ADGRL1: variants seen among roughly 807,000 people sequenced by gnomAD.
ADGRL1 encodes adhesion G protein-coupled receptor L1.
ADGRL1 carries 31 observed loss-of-function variants against 148.9 expected under a neutral mutation model. The observed-to-expected ratio is 0.21, with a 90% CI of 0.16 to 0.28. The LOEUF (loss-of-function observed/expected upper bound fraction) is 0.28. Among genes scored for constraint, ADGRL1 ranks in the 10% least tolerant of loss-of-function variants. The pLI is 1.00. For synonymous variants in ADGRL1, 937 were observed against 900.3 expected (o/e 1.04, Z -0.73); for missense variants, 1,521 against 2,058.8 (o/e 0.74, Z 5.05).
chr19:14,163,460 AGGGAG>A, intron 4 of ADGRL1, 54 bp from the exon 5 acceptor site: 5 of 1,049,002 alleles, frequency 4.8e-6, no homozygotes, highest in Non-Finnish European at 6.7e-6. Context: ...CAGAGGCGAG[AGGGAG>A]GAGAGAGAGA....
At chr19:14,156,458 C>G (rs1458227709) in intron 16 of ADGRL1, among the ~76,000 whole-genome samples, 200 bp downstream of exon 16, 2 of 151,920 alleles carry the variant, frequency 1.3e-5, no homozygotes, top group East Asian at 1.9e-4. Context: ...CACAGCCCCC[C>G]AGGCGAGCAG....
At position 14,155,503 on chromosome 19, in the gene ADGRL1, C is replaced by T. The variant is rs760966469; in HGVS notation, c.3150G>A (p.Ala1050=). ...NIKSWALGAI[A]LLFLLGLTWA... ...AGGTGAGGCCCAGCAGGAACAGCAG[C>T]GCGATGGCCCCCAGCGCCCAGGATC... is the stretch of plus-strand genomic sequence containing the variant. Residue 1050 remains alanine, a synonymous_variant, in exon 18 of 23, where the codon GCG becomes GCA. Coordinates refer to ENST00000361434, the MANE Select transcript of ADGRL1 (RefSeq NM_014921.5). The surrounding 1 kb of genome is among the most constrained non-coding windows in gnomAD (Gnocchi z 5.0). 6.8e-6 allele frequency: 11 copies of T among 1,613,754 alleles called. No homozygotes were observed. The highest frequency in any genetic ancestry group is 4.4e-5 in the South Asian group (4 of 91,082).
chr19:14,159,093 T>C lies in ADGRL1; in HGVS notation c.2146A>G (p.Asn716Asp). 6.2e-7 allele frequency: 1 copy of C among 1,613,804 alleles called. No homozygotes were observed. Among genetic ancestry groups the C allele is most frequent in the Non-Finnish European group, 8.5e-7 (1 of 1,180,002 alleles). The change falls in exon 11 of 23, where the codon AAT becomes GAT. Residue 716 changes from asparagine (N) to aspartate (D), a missense_variant. Coordinates refer to ENST00000361434, the MANE Select transcript of ADGRL1 (RefSeq NM_014921.5). This position sits in a 1 kb window ranked among gnomAD's most constrained non-coding sequence, Gnocchi z 6.0. ...SAKTIKQNSR[N>D]GVVKVVFILY... ...AGGCCCCGCCGGGGACACTGACCATTGCGGCTGTTCTGCTTGATGGTTTTG... is the reference window on the plus strand; with the variant it reads ...AGGCCCCGCCGGGGACACTGACCATCGCGGCTGTTCTGCTTGATGGTTTTG...
Position 14,151,484 on chromosome 19 carries a change from G to T in ADGRL1, c.3799C>A (p.Arg1267=). The change falls in exon 23 of 23, where the codon CGG becomes AGG. Residue 1267 remains arginine, a synonymous_variant. Transcript: ENST00000361434. ...GDGGPEPPRG[R]NLADAAAFEK... ...AAGGCCGCCGCATCGGCTAGGTTCC[G>T]GCCTCGGGGCGGCTCAGGGCCCCCA... The T allele has an allele frequency of 1.2e-6, 2 of 1,611,928 alleles. No individual in the cohort carries two copies. Among genetic ancestry groups the T allele is most frequent in the Non-Finnish European group, 8.5e-7 (1 of 1,179,260 alleles).
intron 1 of ADGRL1, among the ~76,000 whole-genome samples, chr19:14,201,294 G>GTTT (rs748016498): frequency 0.022 from 1,860 of 85,950 alleles, 60 homozygotes; most frequent in African/African-American, 0.051. Flanking sequence ...GCTATTCTGA[G>GTTT]TTTTTTTGTT....
chr19:14,181,887 G>A (rs147762916), intron 2 of ADGRL1, among the ~76,000 whole-genome samples: 56 of 152,258 alleles, frequency 3.7e-4, no homozygotes, highest in Middle Eastern at 3.4e-3. Flanking sequence ...CCCTGCACAC[G>A]GAGGGTGCCT....
Position 14,162,831 on chromosome 19 carries a change from G to A in ADGRL1, c.970C>T (p.Arg324Cys), listed in dbSNP as rs1300020864. The change falls in exon 5 of 23, where the codon CGT becomes TGT. Residue 324 changes from arginine to cysteine, a missense_variant. Arg to Cys is a radical substitution (Grantham distance 180). Transcript: ENST00000361434. The surrounding 1 kb of genome is among the most constrained non-coding windows in gnomAD (Gnocchi z 5.4). ...FMVCGVLYVL[R>C]SVYVDDDSEA... ...CTGTCATCATCCACGTACACGGAAC[G>A]CAGGACGTACAGGACCCCACACACC... is the stretch of plus-strand genomic sequence containing the variant. 26 of 1,613,886 alleles carry A rather than the reference G, an allele frequency of 1.6e-5. No individual in the cohort carries two copies. Among genetic ancestry groups the A allele is most frequent in the Admixed American group, 5.0e-5 (3 of 59,980 alleles).
chr19:14,184,263 C>G (rs1971418894), intron 1 of ADGRL1, among the ~76,000 whole-genome samples: 1 of 152,082 alleles, frequency 6.6e-6, no homozygotes, highest in South Asian at 2.1e-4. Flanking sequence ...TCTGGGGGAC[C>G]TTCAGGGTAA....
chr19:14,157,374 G>A lies in ADGRL1; in HGVS notation c.2622C>T (p.Ile874=). ...GCCCCCGCAGGAAGCAGAAGGTGGA[G>A]ATGCAGATGGCCAAGCAGACCAGGG... The part of the protein sequence containing the change: ...VISLVCLAIC[I]STFCFLRGLQ... Residue 874 remains isoleucine, a synonymous_variant, in exon 14 of 23, where the codon ATC becomes ATT. Transcript: ENST00000361434. This position sits in a 1 kb window ranked among gnomAD's most constrained non-coding sequence, Gnocchi z 7.5. 6.2e-7 allele frequency: 1 copy of A among 1,614,236 alleles called. No homozygotes were observed. Among genetic ancestry groups the A allele is most frequent in the Non-Finnish European group, 8.5e-7 (1 of 1,180,034 alleles).
Position 14,170,850 on chromosome 19 carries a change from G to C in ADGRL1, c.285-59C>G. ...CACATAGACGGGGTGGCGGGGGTGG[G>C]GGTGCATGCTCCAGGGTCATGGTGT... On this transcript the variant is annotated intron_variant, in intron 3 of 22. Coordinates refer to ENST00000361434, the MANE Select transcript of ADGRL1 (RefSeq NM_014921.5). The C allele has an allele frequency of 3.6e-6, 3 of 831,054 alleles. 1 individual carries two copies. Among genetic ancestry groups the C allele is most frequent in the East Asian group, 5.3e-5 (2 of 37,966 alleles). The allele number at this position is 831,054 out of a possible 1,614,324, so 51.5% of individuals were successfully genotyped here. A position where few individuals can be genotyped will look rare whatever the true frequency, so the allele number is the denominator to read the frequency against.
At chr19:14,194,751 G>A (rs1026840348) in intron 1 of ADGRL1, among the ~76,000 whole-genome samples, 39 of 151,728 alleles carry the variant, frequency 2.6e-4, no homozygotes, top group African/African-American at 9.5e-4. Flanking sequence ...CAACCTCAGA[G>A]CTGGTCACGC....
intron 4 of ADGRL1, among the ~76,000 whole-genome samples, chr19:14,166,189 AAC>A (rs1969940678): frequency 1.3e-5 from 2 of 151,738 alleles, no homozygotes; most frequent in South Asian, 4.2e-4. Flanking sequence ...AGAAACAGAG[AAC>A]ACGCTCCCCC....
At chr19:14,165,001 C>T (rs941206592) in intron 4 of ADGRL1, among the ~76,000 whole-genome samples, 3 of 152,166 alleles carry the variant, frequency 2.0e-5, no homozygotes, top group African/African-American at 7.2e-5. Flanking sequence ...AAGCAGCTGG[C>T]CCCGAGGGGA....
In ADGRL1 at chr19:14,157,375, A is replaced by C. The variant is rs1195959708; in HGVS notation, c.2621T>G (p.Ile874Ser). The change falls in exon 14 of 23, where the codon ATC becomes AGC. Residue 874 changes from isoleucine (I) to serine (S), a missense_variant. This residue lies in a region of ADGRL1 where 265 missense variants were observed against 431.9 expected (regional missense o/e 0.61). Coordinates refer to ENST00000361434, the MANE Select transcript of ADGRL1 (RefSeq NM_014921.5). This position sits in a 1 kb window ranked among gnomAD's most constrained non-coding sequence, Gnocchi z 7.5. ...VISLVCLAIC[I>S]STFCFLRGLQ... ...CCCCCGCAGGAAGCAGAAGGTGGAG[A>C]TGCAGATGGCCAAGCAGACCAGGGA... is the stretch of plus-strand genomic sequence containing the variant. 1 of 1,614,042 alleles carries C rather than the reference A, an allele frequency of 6.2e-7. No individual in the cohort carries two copies. Among genetic ancestry groups the C allele is most frequent in the Non-Finnish European group, 8.5e-7 (1 of 1,180,020 alleles).
In ADGRL1 at chr19:14,155,346, G is replaced by A. The variant is rs756585289; in HGVS notation, c.3294+13C>T. On this transcript the variant is annotated intron_variant, in intron 18 of 22. Transcript: ENST00000361434. The surrounding 1 kb of genome is among the most constrained non-coding windows in gnomAD (Gnocchi z 5.0). ...AAGGGAGGCTGTGACCCAGGACCCC[G>A]CCTCGACCTCACCTTCTTCTGTAAG... 2.4e-5 allele frequency: 39 copies of A among 1,612,366 alleles called. No individual in the cohort carries two copies. The Admixed American group carries it at 4.5e-4, about 19-fold the overall frequency.
intron 3 of ADGRL1, among the ~76,000 whole-genome samples, chr19:14,175,591 A>G (rs1326122624): frequency 6.6e-6 from 1 of 151,976 alleles, no homozygotes; most frequent in Non-Finnish European, 1.5e-5. Flanking sequence ...TACACACTCC[A>G]ATACACACTC....
Position 14,162,419 on chromosome 19 carries a change from C to T in ADGRL1, c.1195+187G>A, listed in dbSNP as rs968323029. On this transcript the variant is annotated intron_variant, in intron 5 of 22. Transcript: ENST00000361434. The surrounding 1 kb of genome is among the most constrained non-coding windows in gnomAD (Gnocchi z 5.4). ...CAGTAAGGATCCCTGTGTCATAGACCGTGAGGAGACGAGTTAATGACTGTG... is the reference window on the plus strand; with the variant it reads ...CAGTAAGGATCCCTGTGTCATAGACTGTGAGGAGACGAGTTAATGACTGTG... 2.0e-5 allele frequency among the ~76,000 whole-genome samples: 3 copies of T among 152,162 alleles called. No homozygotes were observed. Among genetic ancestry groups the T allele is most frequent in the East Asian group, 1.9e-4 (1 of 5,198 alleles).
At chr19:14,183,907 G>T (rs1292438797) in intron 1 of ADGRL1, among the ~76,000 whole-genome samples, 1 of 152,126 alleles carries the variant, frequency 6.6e-6, no homozygotes, top group Non-Finnish European at 1.5e-5. Context: ...GGGCACCTCT[G>T]GGCAAAGAGA....
chr19:14,163,479 AG>A, intron 4 of ADGRL1, 73 bp from the exon 5 acceptor site: 2 of 1,078,590 alleles, frequency 1.9e-6, no homozygotes, highest in Non-Finnish European at 2.6e-6. Context: ...AGAGAGAGAG[AG>A]AGAGAGAGAG....
Sources: gnomAD v4.1 joint callset for allele counts (sites outside exome capture counted in the v4.1 genomes callset) on GRCh38, gnomAD v4.1.1 for gene constraint, gnomAD v4.1.1 regional missense constraint, Gnocchi (gnomAD v3.1) non-coding constraint, MANE v1.5 for transcripts, NCBI Gene and HGNC (gene_info 2026-07-23, HGNC 2026-07-21) for gene names.